BTBD16: variants seen among roughly 807,000 people sequenced by gnomAD.
The protein encoded by BTBD16 is BTB domain containing 16.
Under a neutral mutation model 67.4 loss-of-function variants are expected in BTBD16, and 66 were observed. The observed-to-expected ratio is 0.98, with a 90% CI of 0.80 to 1.20. The LOEUF (loss-of-function observed/expected upper bound fraction) is 1.20, where lower values mean the gene tolerates loss of function less well. BTBD16 is among the 50% of genes most tolerant of loss of function. The pLI is 0.00. For missense variants in BTBD16, 634 were observed against 616.0 expected (o/e 1.03, Z -0.31); for synonymous variants, 242 against 236.4 (o/e 1.02, Z -0.22).
At chr10:122,291,370 G>A (rs2096373802) in intron 7 of BTBD16, 176 bp downstream of exon 7, 1 of 732,680 alleles carries the variant, frequency 1.4e-6, no homozygotes. Flanking sequence ...ACACTAACAG[G>A]TGAGCCATCT....
At chr10:122,335,051 T>C in intron 14 of BTBD16, 72 bp downstream of exon 14, 5 of 726,650 alleles carry the variant, frequency 6.9e-6, no homozygotes, top group Non-Finnish European at 1.1e-5. Flanking sequence ...CATGTTGAAT[T>C]AATAATAATT....
intron 14 of BTBD16, 141 bp downstream of exon 14, chr10:122,335,120 G>A: frequency 1.9e-6 from 1 of 524,164 alleles, no homozygotes; most frequent in Non-Finnish European, 3.3e-6. Flanking sequence ...CCACGCTCAT[G>A]TATGTGATGT....
chr10:122,324,686 GCCT>G (rs972718559), intron 10 of BTBD16, among the ~76,000 whole-genome samples: 2 of 151,096 alleles, frequency 1.3e-5, no homozygotes, highest in Admixed American at 1.4e-4. Flanking sequence ...CATGCTTCTT[GCCT>G]TGTTGTGTCT....
chr10:122,308,888 G>C (rs559784886), intron 10 of BTBD16, among the ~76,000 whole-genome samples: 6 of 152,212 alleles, frequency 3.9e-5, no homozygotes, highest in Admixed American at 3.9e-4. Context: ...TTCACCTGGG[G>C]GTCTGCTCTG....
intron 2 of BTBD16, 27 bp from the exon 3 acceptor site, chr10:122,276,764 T>A (rs1260964682): frequency 6.3e-7 from 1 of 1,598,954 alleles, no homozygotes; most frequent in Non-Finnish European, 8.5e-7. Context: ...AAAAAAGATG[T>A]CTTCTCTTTC....
At chr10:122,272,678 T>TACACACACACACACACACACAC (rs112265160) in intron 1 of BTBD16, among the ~76,000 whole-genome samples, 3 of 147,588 alleles carry the variant, frequency 2.0e-5, no homozygotes, top group African/African-American at 7.5e-5. Context: ...GCAAAGGAAA[T>TACACACACACACACACACACAC]ACACACACAC....
chr10:122,276,815 G>C lies in BTBD16; in HGVS notation c.43G>C (p.Val15Leu). 2 of 1,614,240 alleles carry C rather than the reference G, an allele frequency of 1.2e-6. No individual in the cohort carries two copies. Among genetic ancestry groups the C allele is most frequent in the Non-Finnish European group, 1.7e-6 (2 of 1,180,038 alleles). The change falls in exon 3 of 16, where the codon GTC becomes CTC. Residue 15 changes from valine to leucine, a missense_variant. Physicochemically the swap from Val to Leu is conservative, Grantham distance 32. Coordinates refer to ENST00000260723, the MANE Select transcript of BTBD16 (RefSeq NM_144587.5). ...NTHKARLERR[V>L]TGSTNRWRLP... The stretch of plus-strand genomic sequence containing the variant: ...GCACAAAGCTCGGCTGGAACGCCGG[G>C]TCACTGGCTCAACCAACCGGTGGCG...
chr10:122,303,790 G>A (rs1469538777), intron 9 of BTBD16, among the ~76,000 whole-genome samples: 1 of 152,174 alleles, frequency 6.6e-6, no homozygotes, highest in Non-Finnish European at 1.5e-5. Context: ...TCAAGTCCCT[G>A]TGGGTTCTGT....
intron 10 of BTBD16, among the ~76,000 whole-genome samples, chr10:122,325,212 G>T (rs192479122): frequency 2.0e-5 from 3 of 152,326 alleles, no homozygotes; most frequent in African/African-American, 4.8e-5. Flanking sequence ...TGGAAAGTTG[G>T]CAGGGACCAG....
Position 122,326,254 on chromosome 10 carries a change from C to T in BTBD16, c.912-3226C>T, listed in dbSNP as rs76481641. ...CATTCTTACGTGTTCAGTTCAGTGG[C>T]GTTAAGTTTATTCGCATTGTTGTGC... On this transcript the variant is annotated intron_variant, in intron 10 of 15. Coordinates refer to ENST00000260723, the MANE Select transcript of BTBD16 (RefSeq NM_144587.5). 3.5e-3 allele frequency among the ~76,000 whole-genome samples: 535 copies of T among 152,126 alleles called. 5 individuals are homozygous for T. The highest frequency in any genetic ancestry group is 0.011 in the African/African-American group (461 of 41,518).
In BTBD16 at chr10:122,323,963, C is replaced by G. The variant is rs557795204; in HGVS notation, c.912-5517C>G. Reference sequence around the variant, plus strand: ...TGATTTATAATCACTAAATAGGTATCTCTCAGACACTGAAGGGTAGATTCT... The same window carrying G: ...TGATTTATAATCACTAAATAGGTATGTCTCAGACACTGAAGGGTAGATTCT... On this transcript the variant is annotated intron_variant, in intron 10 of 15. Transcript: ENST00000260723. Among the ~76,000 whole-genome samples the G allele has an allele frequency of 2.6e-5, 4 of 152,298 alleles. No homozygotes were observed. The South Asian group carries it at 8.3e-4, about 32-fold the overall frequency.
chr10:122,278,195 G>T (rs1397672923), intron 3 of BTBD16, among the ~76,000 whole-genome samples: 1 of 152,194 alleles, frequency 6.6e-6, no homozygotes, highest in African/African-American at 2.4e-5. Flanking sequence ...TGGGCAGCAA[G>T]AACTAAATCT....
chr10:122,335,057 T>A, intron 14 of BTBD16, 78 bp downstream of exon 14: 1 of 709,452 alleles, frequency 1.4e-6, no homozygotes, highest in Non-Finnish European at 2.3e-6. Flanking sequence ...GAATTAATAA[T>A]AATTGATTCA....
At chr10:122,324,165 G>A (rs2096440281) in intron 10 of BTBD16, among the ~76,000 whole-genome samples, 1 of 152,168 alleles carries the variant, frequency 6.6e-6, no homozygotes, top group African/African-American at 2.4e-5. Context: ...GTTCCAGAAA[G>A]CCTTCTCTGA....
In BTBD16 at chr10:122,290,012, C is replaced by CT; in HGVS notation, c.475+14_475+15insT. ...TCACTAAAGTCGGTATGTATATACC[C>CT]GTCTATATTCTGAGAATGCCATTGA... On this transcript the variant is annotated intron_variant, in intron 6 of 15. Transcript: ENST00000260723. The CT allele has an allele frequency of 1.3e-6, 2 of 1,499,986 alleles. No individual in the cohort carries two copies. The highest frequency in any genetic ancestry group is 1.8e-5 in the Admixed American group (1 of 56,662). 92.9% of individuals were successfully genotyped at this position (1,499,986 alleles called of 1,614,324 possible). A position where few individuals can be genotyped will look rare whatever the true frequency, so the allele number is the denominator to read the frequency against.
Position 122,291,184 on chromosome 10 carries a change from C to G in BTBD16, c.580C>G (p.Leu194Val), listed in dbSNP as rs1564970189. The G allele has an allele frequency of 3.7e-6, 6 of 1,611,656 alleles. No individual in the cohort carries two copies. The highest frequency in any genetic ancestry group is 4.2e-6 in the Non-Finnish European group (5 of 1,178,946). Reference protein sequence around the residue: ...ASAHILQFSGLFQRCVDVMIA... With the variant: ...ASAHILQFSGVFQRCVDVMIA... ...CGCCCACATCCTCCAGTTCAGTGGCCTGTTTCAAAGGTAAGGAAACAAGGC... is the reference window on the plus strand; with the variant it reads ...CGCCCACATCCTCCAGTTCAGTGGCGTGTTTCAAAGGTAAGGAAACAAGGC... Residue 194 changes from leucine to valine, a missense_variant, in exon 7 of 16, where the codon CTG becomes GTG. Leu to Val is a conservative substitution (Grantham distance 32, BLOSUM62 1). Transcript: ENST00000260723.
chr10:122,298,696 G>A (rs542991502), intron 8 of BTBD16, among the ~76,000 whole-genome samples: 3 of 152,224 alleles, frequency 2.0e-5, no homozygotes, highest in East Asian at 1.9e-4. Context: ...TGCCACTTAC[G>A]AGTTGTGTGA....
At chr10:122,297,951 C>T in intron 8 of BTBD16, 114 bp downstream of exon 8, 1 of 850,748 alleles carries the variant, frequency 1.2e-6, no homozygotes, top group Non-Finnish European at 1.9e-6. Flanking sequence ...TATTTGAAGT[C>T]ATCAAATATT....
intron 11 of BTBD16, 66 bp downstream of exon 11, chr10:122,329,637 A>G (rs2096451861): frequency 7.4e-7 from 1 of 1,358,154 alleles, no homozygotes; most frequent in Admixed American, 1.8e-5. Flanking sequence ...CCCCCCAGCC[A>G]CTGCCGGGGG....
Sources: gnomAD v4.1 joint callset for allele counts (sites outside exome capture counted in the v4.1 genomes callset) on GRCh38, gnomAD v4.1.1 for gene constraint, MANE v1.5 for transcripts, NCBI Gene and HGNC (gene_info 2026-07-23, HGNC 2026-07-21) for gene names.